Variants in IQCM observed in about 807,000 individuals in gnomAD.
IQCM encodes the protein IQ motif containing M, also known as IQ domain-containing protein M.
Under a neutral mutation model 57.6 loss-of-function variants are expected in IQCM, and 45 were observed. That is an observed-to-expected ratio of 0.78 (90% CI 0.62 to 1.00). The LOEUF is 1.00. Ranked by LOEUF, IQCM falls within the 50% of genes least tolerant of loss-of-function variation. The pLI, the probability that IQCM is intolerant of heterozygous loss-of-function variation, is 0.00. For synonymous variants in IQCM, 148 were observed against 158.9 expected (o/e 0.93, Z 0.51); for missense variants, 468 against 511.6 (o/e 0.91, Z 0.82).
At chr4:149,592,202 C>T (rs1335672833) in intron 8 of IQCM, among the ~76,000 whole-genome samples, 1 of 152,096 alleles carries the variant, frequency 6.6e-6, no homozygotes, top group Non-Finnish European at 1.5e-5. Context: ...TCTCTGATGG[C>T]CAGTGATGAT....
At chr4:149,727,442 T>C (rs1442841400) in intron 5 of IQCM, among the ~76,000 whole-genome samples, 1 of 152,214 alleles carries the variant, frequency 6.6e-6, no homozygotes, top group Non-Finnish European at 1.5e-5. Context: ...GTACTGACAA[T>C]TCTGCCATCA....
chr4:149,702,562 A>G (rs1763855475), intron 5 of IQCM, among the ~76,000 whole-genome samples: 1 of 151,912 alleles, frequency 6.6e-6, no homozygotes, highest in Non-Finnish European at 1.5e-5. Context: ...CAACTTCACA[A>G]GATGCCTCCT....
At chr4:149,747,881 G>T (rs1768079017) in intron 2 of IQCM, among the ~76,000 whole-genome samples, 2 of 152,218 alleles carry the variant, frequency 1.3e-5, no homozygotes, top group East Asian at 3.9e-4. Context: ...TAATATAAAT[G>T]AATCATTAGG....
intron 8 of IQCM, among the ~76,000 whole-genome samples, chr4:149,607,611 G>T (rs2150046170): frequency 6.6e-6 from 1 of 151,958 alleles, no homozygotes; most frequent in South Asian, 2.1e-4. Context: ...GATAAATAGA[G>T]ATAACAAAAA....
chr4:149,543,537 C>T (rs1366699577), intron 12 of IQCM, among the ~76,000 whole-genome samples: 2 of 130,374 alleles, frequency 1.5e-5, no homozygotes, highest in Non-Finnish European at 3.1e-5. Flanking sequence ...AGGACATGAA[C>T]TCATCATTTT....
intron 12 of IQCM, among the ~76,000 whole-genome samples, chr4:149,447,563 A>G (rs1560850662): frequency 6.6e-6 from 1 of 151,554 alleles, no homozygotes; most frequent in Non-Finnish European, 1.5e-5. Context: ...GATAAGTGAA[A>G]TTGAGAACAT....
intron 13 of IQCM, among the ~76,000 whole-genome samples, chr4:149,365,737 A>AG (rs1729783878): frequency 6.6e-6 from 1 of 152,040 alleles, no homozygotes; most frequent in African/African-American, 2.4e-5. Flanking sequence ...CTTAAAAAAA[A>AG]TCAGACAAAT....
In IQCM at chr4:149,691,937, T is replaced by C. The variant is rs76332702; in HGVS notation, c.386-5469A>G. 22 of 152,302 alleles carry C rather than the reference T, an allele frequency of 1.4e-4. No homozygotes were observed. The East Asian group carries it at 1.9e-3, about 13-fold the overall frequency. 9.4% of individuals were successfully genotyped at this position (152,302 alleles called of 1,614,324 possible). On this transcript the variant is annotated intron_variant, in intron 5 of 13. Coordinates refer to ENST00000636793, the MANE Select transcript of IQCM (RefSeq NM_001363507.2). ...ATCTATGCTTAAAACATACAACATA[T>C]ATGTGTATCTTGGTTTATTTATTTG...
intron 13 of IQCM, among the ~76,000 whole-genome samples, chr4:149,368,542 C>T (rs1729999762): frequency 1.3e-5 from 2 of 151,442 alleles, no homozygotes; most frequent in Non-Finnish European, 2.9e-5. Flanking sequence ...CAGTTAATAG[C>T]TATGCATCCA....
chr4:149,513,986 C>A (rs1309860166), intron 12 of IQCM, among the ~76,000 whole-genome samples: 1 of 152,010 alleles, frequency 6.6e-6, no homozygotes, highest in Admixed American at 6.6e-5. Context: ...ACTGAATAGA[C>A]CCCTTATCAT....
chr4:149,455,643 G>A (rs1737616040), intron 12 of IQCM, among the ~76,000 whole-genome samples: 1 of 151,998 alleles, frequency 6.6e-6, no homozygotes, highest in African/African-American at 2.4e-5. Flanking sequence ...TTGTTAGCAG[G>A]AGCTGCAGAC....
At chr4:149,387,773 A>G (rs1731528285) in intron 13 of IQCM, among the ~76,000 whole-genome samples, 1 of 151,930 alleles carries the variant, frequency 6.6e-6, no homozygotes, top group Admixed American at 6.6e-5. Flanking sequence ...ATCTATCATC[A>G]TAGTAGAATT....
At chr4:149,551,853 G>A (rs2149904257) in intron 11 of IQCM, among the ~76,000 whole-genome samples, 1 of 145,852 alleles carries the variant, frequency 6.9e-6, no homozygotes. Context: ...TTCTTAATGG[G>A]AGAAGGATCT....
At chr4:149,772,885 A>C (rs1770717651) in intron 2 of IQCM, among the ~76,000 whole-genome samples, 1 of 152,212 alleles carries the variant, frequency 6.6e-6, no homozygotes, top group African/African-American at 2.4e-5. Flanking sequence ...CACTTTGTGG[A>C]ACATGTTTAT....
chr4:149,740,960 G>A (rs1767403066), intron 3 of IQCM, among the ~76,000 whole-genome samples: 1 of 152,076 alleles, frequency 6.6e-6, no homozygotes, highest in East Asian at 1.9e-4. Context: ...GAGTTATGGA[G>A]CTGGAAAGTA....
chr4:149,607,478 C>T lies in IQCM; in HGVS notation c.681+13651G>A, dbSNP rs565217145. 3.9e-5 allele frequency among the ~76,000 whole-genome samples: 6 copies of T among 152,090 alleles called. No homozygotes were observed. In the East Asian group the frequency reaches 1.2e-3, roughly 29 times the overall value. On this transcript the variant is annotated intron_variant, in intron 8 of 13. Coordinates refer to ENST00000636793, the MANE Select transcript of IQCM (RefSeq NM_001363507.2). ...TATACAACTCACTGCTAAAAGTACA[C>T]AAACACAGAATACTCTAACAATGTA...
intron 12 of IQCM, among the ~76,000 whole-genome samples, chr4:149,533,434 A>G (rs754124006): frequency 3.9e-5 from 6 of 152,144 alleles, no homozygotes; most frequent in African/African-American, 9.7e-5. Flanking sequence ...CTTTATAGAG[A>G]ATTTTTAAAA....
chr4:149,458,611 TAG>T (rs1309459442), intron 12 of IQCM, among the ~76,000 whole-genome samples: 1 of 151,858 alleles, frequency 6.6e-6, no homozygotes, highest in African/African-American at 2.4e-5. Flanking sequence ...AAAACCAACT[TAG>T]GAGTTAATTT....
intron 7 of IQCM, among the ~76,000 whole-genome samples, chr4:149,659,081 C>T (rs1173793562): frequency 1.3e-5 from 2 of 151,980 alleles, no homozygotes; most frequent in Admixed American, 6.6e-5. Context: ...CTCTTTTCTC[C>T]TTTATTAGTC....
Sources: allele counts gnomAD v4.1 joint callset (sites outside exome capture counted in the v4.1 genomes callset), GRCh38; gene constraint gnomAD v4.1.1; transcripts MANE v1.5; gene names NCBI Gene and HGNC (gene_info 2026-07-23, HGNC 2026-07-21).